The following TRABD2B variants were observed in gnomAD, a reference collection of about 807,000 sequenced individuals.
TRABD2B encodes the protein TraB domain containing 2B, also known as metalloprotease TIKI2.
Under a neutral mutation model 40.1 loss-of-function variants are expected in TRABD2B, and 14 were observed. That is an observed-to-expected ratio of 0.35 (90% confidence interval 0.23 to 0.55). TRABD2B has a LOEUF of 0.55. Among genes scored for constraint, TRABD2B ranks in the 20% least tolerant of loss-of-function variants. TRABD2B has a pLI of 0.90. For synonymous variants in TRABD2B, 263 were observed against 277.0 expected, an observed-to-expected ratio of 0.95 and a Z score of 0.50; for missense variants, 541 against 648.6, an observed-to-expected ratio of 0.83 and a Z score of 1.80.
intron 2 of TRABD2B, among the ~76,000 whole-genome samples, chr1:47,978,077 A>C (rs1022372809): frequency 6.6e-6 from 1 of 152,100 alleles, no homozygotes; most frequent in African/African-American, 2.4e-5. Context: ...TATACGTTGA[A>C]ACCTAATCCC....
chr1:47,798,005 C>G, intron 3 of TRABD2B, among the ~76,000 whole-genome samples: 1 of 152,128 alleles, frequency 6.6e-6, no homozygotes, highest in Non-Finnish European at 1.5e-5. Context: ...TGCACCCCTT[C>G]CCTGTAGCCC....
At chr1:47,901,519 C>T (rs1338349047) in intron 2 of TRABD2B, among the ~76,000 whole-genome samples, 2 of 152,184 alleles carry the variant, frequency 1.3e-5, no homozygotes, top group African/African-American at 4.8e-5. Flanking sequence ...GCCTCCAGTC[C>T]TCTGCCTCCA....
intron 2 of TRABD2B, among the ~76,000 whole-genome samples, chr1:47,877,072 G>T (rs1644235786): frequency 6.6e-6 from 1 of 152,104 alleles, no homozygotes. Context: ...TCAAATTGGG[G>T]TTAGGGAATA....
chr1:47,860,636 T>C (rs760505534), intron 2 of TRABD2B, among the ~76,000 whole-genome samples: 1 of 152,180 alleles, frequency 6.6e-6, no homozygotes, highest in Non-Finnish European at 1.5e-5. Flanking sequence ...ATGTGGTTTG[T>C]CTTTGCCGAA....
chr1:47,904,525 C>A (rs538779565), intron 2 of TRABD2B, among the ~76,000 whole-genome samples: 1 of 152,308 alleles, frequency 6.6e-6, no homozygotes, highest in East Asian at 1.9e-4. Flanking sequence ...AGGGAGAAAT[C>A]ATGACTGCTA....
At chr1:47,786,156 C>A (rs1237944725) in intron 4 of TRABD2B, among the ~76,000 whole-genome samples, 4 of 152,194 alleles carry the variant, frequency 2.6e-5, no homozygotes, top group African/African-American at 9.7e-5. Flanking sequence ...GAGTGGGAGG[C>A]CGCAGGCTGA....
At chr1:47,886,620 C>A (rs1644374471) in intron 2 of TRABD2B, among the ~76,000 whole-genome samples, 1 of 152,118 alleles carries the variant, frequency 6.6e-6, no homozygotes. Context: ...TCCATGAGTC[C>A]CCCAACCCCT....
chr1:47,937,811 A>G (rs573036724), intron 2 of TRABD2B, among the ~76,000 whole-genome samples: 2 of 152,194 alleles, frequency 1.3e-5, no homozygotes, highest in South Asian at 2.1e-4. Flanking sequence ...AGCTCATACC[A>G]CCTGCAGCCA....
chr1:47,972,853 T>C (rs897718605), intron 2 of TRABD2B, among the ~76,000 whole-genome samples: 5 of 152,088 alleles, frequency 3.3e-5, no homozygotes, highest in Non-Finnish European at 7.4e-5. Flanking sequence ...CTACAGTCTG[T>C]GTCCATCTCC....
chr1:47,891,364 C>G (rs6666907), intron 2 of TRABD2B, among the ~76,000 whole-genome samples: 94,382 of 151,968 alleles, frequency 0.62, 29,827 homozygotes, highest in East Asian at 0.86. Flanking sequence ...AGAGAGTAAG[C>G]GGGGCTACTA....
chr1:47,777,716 T>C (rs1378101788), intron 5 of TRABD2B, among the ~76,000 whole-genome samples: 2 of 152,218 alleles, frequency 1.3e-5, no homozygotes, highest in Non-Finnish European at 2.9e-5. Flanking sequence ...GTCTTTATGC[T>C]GGAGCACGAG....
At chr1:47,923,584 G>A (rs1013883119) in intron 2 of TRABD2B, among the ~76,000 whole-genome samples, 1 of 152,180 alleles carries the variant, frequency 6.6e-6, no homozygotes, top group African/African-American at 2.4e-5. Context: ...GCTGGGCCAT[G>A]GTATCCAGAT....
chr1:47,987,398 C>A lies in TRABD2B; in HGVS notation c.666+6636G>T, dbSNP rs1282974356. Among the ~76,000 whole-genome samples the A allele has an allele frequency of 7.2e-5, 11 of 152,122 alleles. No individual in the cohort carries two copies. The East Asian group carries it at 2.1e-3, about 29-fold the overall frequency. ...CCTAATGTTCTGAGATTTCACCATT[C>A]CTAGATTCTTTGAGCCTCAGAGTTT... On this transcript the variant is annotated intron_variant, in intron 2 of 6. Transcript: ENST00000606738.
At chr1:47,807,384 A>T (rs1190105977) in intron 2 of TRABD2B, among the ~76,000 whole-genome samples, 3 of 152,238 alleles carry the variant, frequency 2.0e-5, no homozygotes, top group Admixed American at 6.5e-5. Context: ...GTCAATGGAA[A>T]ACCACAACAA....
rs1644267207 is a variant in TRABD2B at position 47,763,585 on chromosome 1, T to C, written c.*2317A>G. ...ATACAGAGCCTGGCATTGCATGTGC[T>C]CAGTAATTACAAGCTGCATTAATTT... is the stretch of plus-strand genomic sequence containing the variant. On this transcript the variant is annotated 3_prime_UTR_variant, in exon 7 of 7. Coordinates refer to ENST00000606738, the MANE Select transcript of TRABD2B (RefSeq NM_001194986.2). 1 of 152,230 alleles carries C rather than the reference T, an allele frequency of 6.6e-6. No homozygotes were observed. The highest frequency in any genetic ancestry group is 2.4e-5 in the African/African-American group (1 of 41,446). The allele number at this position is 152,230 out of a possible 1,614,324, so 9.4% of individuals were successfully genotyped here. A position where few individuals can be genotyped will look rare whatever the true frequency, so the allele number is the denominator to read the frequency against.
chr1:47,819,017 T>C (rs1327815436), intron 2 of TRABD2B: 1 of 152,268 alleles, frequency 6.6e-6, no homozygotes, highest in Admixed American at 6.5e-5. Context: ...AAATGTATGA[T>C]TATTGTCTAG....
chr1:47,780,964 CT>C (rs1280263850), intron 4 of TRABD2B, among the ~76,000 whole-genome samples: 4 of 152,244 alleles, frequency 2.6e-5, no homozygotes, highest in Admixed American at 2.0e-4. Context: ...GCCTACAGTT[CT>C]TTGACCGACT....
chr1:47,869,662 A>C lies in TRABD2B; in HGVS notation c.667-68043T>G, dbSNP rs946833. On this transcript the variant is annotated intron_variant, in intron 2 of 6. Transcript: ENST00000606738. ...TTCATCAAGGGAGAGGGCAGAGAGA[A>C]GGCAGGAAAAGAAGGCTTGAAGAAC... Among the ~76,000 whole-genome samples the C allele has an allele frequency of 2.6e-4, 39 of 152,148 alleles. 1 individual carries two copies. The East Asian group carries it at 7.3e-3, about 29-fold the overall frequency.
intron 2 of TRABD2B, among the ~76,000 whole-genome samples, chr1:47,821,566 C>A (rs975896332): frequency 1.3e-5 from 2 of 152,134 alleles, no homozygotes; most frequent in African/African-American, 4.8e-5. Context: ...AGGGCTGTGC[C>A]ATGCCTCTGT....
Sources: allele counts gnomAD v4.1 joint callset (sites outside exome capture counted in the v4.1 genomes callset), GRCh38; gene constraint gnomAD v4.1.1; transcripts MANE v1.5; gene names NCBI Gene and HGNC (gene_info 2026-07-23, HGNC 2026-07-21).